PARVA: variants seen among roughly 807,000 people sequenced by gnomAD.
The protein encoded by PARVA is alpha-parvin.
In PARVA, 25 loss-of-function variants were observed where a neutral mutation model predicts 52.6. The ratio of observed to expected loss-of-function variants is 0.48; its 90% confidence interval spans 0.35 to 0.66. The LOEUF is 0.66. Ranked by LOEUF, PARVA falls within the 30% of genes least tolerant of loss-of-function variation. The probability of loss-of-function intolerance (pLI) is 0.01; values close to 1 mark genes in which losing one functional copy is unlikely to be tolerated. For missense variants in PARVA, 373 were observed against 450.9 expected, an observed-to-expected ratio of 0.83 and a Z score of 1.56; for synonymous variants, 185 against 179.1, an observed-to-expected ratio of 1.03 and a Z score of -0.26.
Position 12,532,777 on chromosome 11 carries a change from CAAG to C in PARVA, c.*4857_*4859del, listed in dbSNP as rs1307964352. Among the ~76,000 whole-genome samples, 3 of 152,308 alleles carry C rather than the reference CAAG, an allele frequency of 2.0e-5. No homozygotes were observed. The highest frequency in any genetic ancestry group is 4.4e-5 in the Non-Finnish European group (3 of 68,024). On this transcript the variant is annotated 3_prime_UTR_variant, in exon 13 of 13. Transcript: ENST00000334956. Reference sequence around the variant, plus strand: ...CGCACCACGGAGGAGGATCCCCAGACAAGAAGACCTGGCTCCCCAGAGGAGTGC... The same window carrying C: ...CGCACCACGGAGGAGGATCCCCAGACAAGACCTGGCTCCCCAGAGGAGTGC...
intron 1 of PARVA, among the ~76,000 whole-genome samples, chr11:12,456,586 A>T (rs1210185045): frequency 6.6e-6 from 1 of 151,942 alleles, no homozygotes; most frequent in Non-Finnish European, 1.5e-5. Flanking sequence ...GCCCTGACTT[A>T]ACTCTCTAAG....
intron 1 of PARVA, among the ~76,000 whole-genome samples, chr11:12,466,312 T>G (rs550893381): frequency 4.2e-5 from 2 of 47,466 alleles, no homozygotes; most frequent in African/African-American, 5.9e-5. Context: ...TATTTAGTTG[T>G]TTTTTTTTTT....
chr11:12,471,077 A>C (rs191888127), intron 1 of PARVA, among the ~76,000 whole-genome samples: 51 of 152,316 alleles, frequency 3.3e-4, no homozygotes, highest in African/African-American at 1.2e-3. Context: ...AGAACTTAAG[A>C]GTGATTCCTC....
chr11:12,382,342 G>A (rs7924672), intron 1 of PARVA, among the ~76,000 whole-genome samples: 98 of 148,600 alleles, frequency 6.6e-4, no homozygotes, highest in African/African-American at 2.3e-3. Flanking sequence ...GACAAGTATT[G>A]ATGTATATTT....
chr11:12,479,391 CTCCAGGGT>C (rs1941055210), intron 4 of PARVA: 1 of 152,094 alleles, frequency 6.6e-6, no homozygotes. Flanking sequence ...CAGTCTCGAC[CTCCAGGGT>C]TCAAGTGACC....
At chr11:12,389,343 G>C (rs140632590) in intron 1 of PARVA, among the ~76,000 whole-genome samples, 1 of 152,282 alleles carries the variant, frequency 6.6e-6, no homozygotes, top group Non-Finnish European at 1.5e-5. Context: ...CATCCTTGAA[G>C]CTGTCTGAGA....
At chr11:12,490,516 CAA>C (rs34904579) in intron 4 of PARVA, among the ~76,000 whole-genome samples, 1 of 108,664 alleles carries the variant, frequency 9.2e-6, no homozygotes, top group Non-Finnish European at 1.9e-5. Flanking sequence ...GACTATGTCT[CAA>C]AAAAAAAAAA....
At chr11:12,382,867 C>T (rs903768966) in intron 1 of PARVA, among the ~76,000 whole-genome samples, 3 of 152,090 alleles carry the variant, frequency 2.0e-5, no homozygotes, top group Non-Finnish European at 4.4e-5. Flanking sequence ...TAAATGAGAT[C>T]GAGAATGTAA....
intron 10 of PARVA, among the ~76,000 whole-genome samples, chr11:12,514,698 G>A (rs1941547602): frequency 6.6e-6 from 1 of 152,180 alleles, no homozygotes; most frequent in South Asian, 2.1e-4. Flanking sequence ...TGTTGGTCAG[G>A]CTGGTCTCAA....
intron 1 of PARVA, among the ~76,000 whole-genome samples, chr11:12,403,825 C>G (rs1379713382): frequency 1.3e-5 from 2 of 152,220 alleles, no homozygotes; most frequent in African/African-American, 4.8e-5. Context: ...GTTGGCACCT[C>G]TAGTTACACC....
chr11:12,527,898 C>T lies in PARVA; in HGVS notation c.1092C>T (p.Leu364=). The T allele has an allele frequency of 6.2e-7, 1 of 1,613,194 alleles. No individual in the cohort carries two copies. Among genetic ancestry groups the T allele is most frequent in the Non-Finnish European group, 8.5e-7 (1 of 1,179,630 alleles). ...CTACACTACGAGTGTTGTACAACCT[C>T]TTCACCAAGTACCGTAACGTGGAGT... is the stretch of plus-strand genomic sequence containing the variant. ...LKSTLRVLYN[L]FTKYRNVE Residue 364 remains leucine, a synonymous_variant, in exon 13 of 13, where the codon CTC becomes CTT. Transcript: ENST00000334956.
chr11:12,470,518 C>A (rs1195865430), intron 1 of PARVA, among the ~76,000 whole-genome samples: 1 of 152,168 alleles, frequency 6.6e-6, no homozygotes, highest in East Asian at 1.9e-4. Context: ...TGGATATGAA[C>A]GTAGGCAGCT....
intron 5 of PARVA, among the ~76,000 whole-genome samples, chr11:12,498,621 C>T (rs1201660896): frequency 2.2e-5 from 3 of 136,200 alleles, no homozygotes; most frequent in African/African-American, 5.5e-5. Flanking sequence ...GTTGCCCAGG[C>T]TGAAGTGAAG....
At chr11:12,498,881 T>C (rs1250937393) in intron 5 of PARVA, among the ~76,000 whole-genome samples, 2 of 152,230 alleles carry the variant, frequency 1.3e-5, no homozygotes, top group Non-Finnish European at 2.9e-5. Context: ...CCAAGTCATA[T>C]ACATTTTTGT....
chr11:12,404,059 C>T (rs982419593), intron 1 of PARVA, among the ~76,000 whole-genome samples: 7 of 151,466 alleles, frequency 4.6e-5, no homozygotes, highest in African/African-American at 1.5e-4. Flanking sequence ...CTTATAAACT[C>T]GCACCCCAGG....
intron 1 of PARVA, among the ~76,000 whole-genome samples, chr11:12,409,727 G>A (rs1376502159): frequency 6.6e-6 from 1 of 152,226 alleles, no homozygotes; most frequent in Non-Finnish European, 1.5e-5. Flanking sequence ...CCAGCATGTT[G>A]ATTTTAGCTC....
At chr11:12,485,522 G>A (rs898075393) in intron 4 of PARVA, among the ~76,000 whole-genome samples, 11 of 152,112 alleles carry the variant, frequency 7.2e-5, no homozygotes, top group African/African-American at 2.7e-4. Context: ...ACCAACCTGA[G>A]GGAGCTCCCA....
chr11:12,433,001 TA>T (rs1369462540), intron 1 of PARVA, among the ~76,000 whole-genome samples: 24 of 152,310 alleles, frequency 1.6e-4, no homozygotes, highest in Admixed American at 1.1e-3. Flanking sequence ...AAAGGTATAT[TA>T]AATTGAATTG....
At chr11:12,490,269 A>G (rs1434327379) in intron 4 of PARVA, among the ~76,000 whole-genome samples, 2 of 150,988 alleles carry the variant, frequency 1.3e-5, no homozygotes, top group Non-Finnish European at 2.9e-5. Context: ...CACGCCTGTA[A>G]TCCCAGCACT....
Sources: allele counts gnomAD v4.1 joint callset (sites outside exome capture counted in the v4.1 genomes callset), GRCh38; gene constraint gnomAD v4.1.1; transcripts MANE v1.5; gene names NCBI Gene and HGNC (gene_info 2026-07-23, HGNC 2026-07-21).